Variants in SUMF1 observed in about 807,000 individuals in gnomAD.
SUMF1 encodes formylglycine-generating enzyme.
SUMF1 carries 48 observed loss-of-function variants against 47.6 expected under a neutral mutation model. The observed-to-expected ratio is 1.01, with a 90% confidence interval of 0.80 to 1.28. SUMF1 has a LOEUF of 1.28. Among genes scored for constraint, SUMF1 ranks in the 50% most tolerant of loss-of-function variants. SUMF1 has a pLI of 0.00. For synonymous variants in SUMF1, 230 were observed against 192.1 expected (o/e 1.20, Z -1.63); for missense variants, 571 against 485.4 (o/e 1.18, Z -1.66).
chr3:4,193,361 G>A (rs553894639), intron 8 of SUMF1, among the ~76,000 whole-genome samples: 2 of 152,062 alleles, frequency 1.3e-5, no homozygotes, highest in Non-Finnish European at 2.9e-5. Flanking sequence ...GCACTTTCCT[G>A]AATTTGTGAA....
intron 9 of SUMF1, among the ~76,000 whole-genome samples, chr3:4,040,328 A>AG (rs1261669844): frequency 6.6e-6 from 1 of 152,140 alleles, no homozygotes; most frequent in Non-Finnish European, 1.5e-5. Flanking sequence ...TTCTAGGCCT[A>AG]TTGCTACTAA....
At chr3:4,044,963 A>G (rs1694979653) in intron 9 of SUMF1, among the ~76,000 whole-genome samples, 1 of 152,236 alleles carries the variant, frequency 6.6e-6, no homozygotes, top group Admixed American at 6.5e-5. Flanking sequence ...AAAAAGTCCA[A>G]CAACCAGCTC....
At chr3:4,095,632 A>C (rs1353368719) in intron 8 of SUMF1, among the ~76,000 whole-genome samples, 3 of 152,138 alleles carry the variant, frequency 2.0e-5, no homozygotes, top group Non-Finnish European at 4.4e-5. Flanking sequence ...AGATGCTGTT[A>C]CACCAACTAC....
chr3:4,159,500 G>A (rs1233326429), intron 8 of SUMF1, among the ~76,000 whole-genome samples: 3 of 146,726 alleles, frequency 2.0e-5, no homozygotes, highest in Non-Finnish European at 4.4e-5. Flanking sequence ...ATATCTTACT[G>A]TACTATGTCT....
chr3:4,411,857 A>G (rs1701554505), intron 6 of SUMF1, among the ~76,000 whole-genome samples: 1 of 152,186 alleles, frequency 6.6e-6, no homozygotes, highest in Middle Eastern at 3.2e-3. Context: ...ATATATATGT[A>G]TATCAAGTAA....
rs114065705 is a variant in SUMF1 at position 4,054,856 on chromosome 3, A to T, written c.1191+13713T>A. ...ACGTATAGTCTTATTTCATATGCAC[A>T]ACAGATGTGCAATATAGGTGTTCTA... On this transcript the variant is annotated intron_variant and NMD_transcript_variant, in intron 9 of 12. Transcript: ENST00000448413. Among the ~76,000 whole-genome samples the T allele has an allele frequency of 5.9e-3, 896 of 152,310 alleles. 10 individuals are homozygous for T. Among genetic ancestry groups the T allele is most frequent in the African/African-American group, 0.021 (855 of 41,560 alleles).
intron 8 of SUMF1, among the ~76,000 whole-genome samples, chr3:4,316,046 CA>C (rs774059331): frequency 0.17 from 13,217 of 76,998 alleles, 820 homozygotes; most frequent in African/African-American, 0.36. Flanking sequence ...GACTCTGTCT[CA>C]AAAAAAAAAA....
At chr3:4,350,376 TG>T (rs1332596045) in intron 8 of SUMF1, among the ~76,000 whole-genome samples, 17 of 151,258 alleles carry the variant, frequency 1.1e-4, no homozygotes, top group African/African-American at 4.1e-4. Flanking sequence ...TGTATAATTG[TG>T]TGTGTATAAT....
intron 8 of SUMF1, among the ~76,000 whole-genome samples, chr3:4,227,319 C>T (rs1043547713): frequency 2.0e-5 from 3 of 152,064 alleles, no homozygotes; most frequent in Admixed American, 6.6e-5. Flanking sequence ...CAGAATGGAT[C>T]GCCACCCTGC....
At chr3:4,466,117 CT>C (rs565449521) in intron 1 of SUMF1, among the ~76,000 whole-genome samples, 17 of 147,950 alleles carry the variant, frequency 1.1e-4, no homozygotes, top group Admixed American at 2.0e-4. Flanking sequence ...TTCTTTCTTT[CT>C]TTTTTTTTTT....
At chr3:4,266,286 T>A (rs1697193772) in intron 8 of SUMF1, among the ~76,000 whole-genome samples, 1 of 152,212 alleles carries the variant, frequency 6.6e-6, no homozygotes, top group African/African-American at 2.4e-5. Context: ...GGTAGCTTGA[T>A]GGGGATGGCA....
intron 7 of SUMF1, among the ~76,000 whole-genome samples, chr3:4,381,875 A>G (rs2124880971): frequency 6.6e-6 from 1 of 152,270 alleles, no homozygotes; most frequent in Non-Finnish European, 1.5e-5. Flanking sequence ...GTGAAACCTC[A>G]TCTCTACAAA....
chr3:4,109,292 C>G (rs1693235382), intron 8 of SUMF1, among the ~76,000 whole-genome samples: 1 of 152,090 alleles, frequency 6.6e-6, no homozygotes, highest in Non-Finnish European at 1.5e-5. Flanking sequence ...GCAGAGAGAT[C>G]CGCTGTAAGT....
At chr3:4,172,812 C>T (rs1307931180) in intron 8 of SUMF1, among the ~76,000 whole-genome samples, 2 of 152,032 alleles carry the variant, frequency 1.3e-5, no homozygotes, top group Non-Finnish European at 2.9e-5. Flanking sequence ...CTGTAGGTTG[C>T]CTGTTCACTC....
chr3:4,182,267 T>C (rs950371928), intron 8 of SUMF1, among the ~76,000 whole-genome samples: 1 of 151,966 alleles, frequency 6.6e-6, no homozygotes, highest in African/African-American at 2.4e-5. Context: ...AAAAATAAAA[T>C]ATTATGCCTA....
At position 4,467,262 on chromosome 3, in the gene SUMF1, T is replaced by C; in HGVS notation, c.-17A>G. 1 of 1,603,774 alleles carries C rather than the reference T, an allele frequency of 6.2e-7. No homozygotes were observed. Among genetic ancestry groups the C allele is most frequent in the Non-Finnish European group, 8.5e-7 (1 of 1,175,798 alleles). On this transcript the variant is annotated 5_prime_UTR_variant, in exon 1 of 9. An upstream start codon of the reference 5' UTR is lost. Coordinates refer to ENST00000272902, the MANE Select transcript of SUMF1 (RefSeq NM_182760.4). Reference sequence around the variant, plus strand: ...CGCAGCCATGTTGTCCCGCGGGCCATGTGACCCGGTTGGTCACGTGGCTGA... The same window carrying C: ...CGCAGCCATGTTGTCCCGCGGGCCACGTGACCCGGTTGGTCACGTGGCTGA...
chr3:4,197,073 G>T (rs1416116870), intron 8 of SUMF1, among the ~76,000 whole-genome samples: 2 of 152,044 alleles, frequency 1.3e-5, no homozygotes, highest in Non-Finnish European at 2.9e-5. Context: ...TCATAATTTG[G>T]AAATGAATTC....
At chr3:4,190,049 C>G (rs1044072336) in intron 8 of SUMF1, among the ~76,000 whole-genome samples, 6 of 152,042 alleles carry the variant, frequency 3.9e-5, no homozygotes, top group Admixed American at 6.6e-5. Flanking sequence ...TCCAAATAAC[C>G]ATTGATATCT....
At chr3:4,225,998 A>C (rs1042749147) in intron 8 of SUMF1, among the ~76,000 whole-genome samples, 1 of 151,978 alleles carries the variant, frequency 6.6e-6, no homozygotes, top group African/African-American at 2.4e-5. Flanking sequence ...TAGGAGGAGG[A>C]CACCAGCCTC....
Sources: gnomAD v4.1 joint callset for allele counts (sites outside exome capture counted in the v4.1 genomes callset) on GRCh38, gnomAD v4.1.1 for gene constraint, MANE v1.5 for transcripts, NCBI Gene and HGNC (gene_info 2026-07-23, HGNC 2026-07-21) for gene names.